NHS: variants seen among roughly 807,000 people sequenced by gnomAD.
NHS encodes the protein NHS actin remodeling regulator, also known as actin remodeling regulator NHS.
In NHS, 5 loss-of-function variants were observed where a neutral mutation model predicts 72.5. The observed-to-expected ratio is 0.07, with a 90% CI of 0.04 to 0.14. NHS has a LOEUF of 0.14. Among genes scored for constraint, NHS ranks in the 10% least tolerant of loss-of-function variants. The pLI, the probability that NHS is intolerant of heterozygous loss-of-function variation, is 1.00. For missense variants in NHS, 1,072 were observed against 1,355.7 expected (o/e 0.79, Z 3.29); for synonymous variants, 464 against 547.7 (o/e 0.85, Z 2.13).
intron 1 of NHS, among the ~76,000 whole-genome samples, chrX:17,601,914 C>A (rs957070836): frequency 1.8e-5 from 2 of 111,833 alleles, no homozygotes; most frequent in Non-Finnish European, 3.8e-5. Context: ...TCTAAAGTCA[C>A]AAAGCTTATT....
intron 1 of NHS, among the ~76,000 whole-genome samples, chrX:17,444,617 C>T (rs773740669): frequency 5.4e-5 from 6 of 111,444 alleles, no homozygotes; most frequent in Non-Finnish European, 7.5e-5. Context: ...CTGGCTGTGC[C>T]TCAAGTTTCC....
chrX:17,732,737 T>C lies in NHS; in HGVS notation c.*273T>C. ...TCTCCTTCCTTGTGAAAATAGAGGA[T>C]ACAAAATTGTCTAATTTTCATGACA... On this transcript the variant is annotated 3_prime_UTR_variant, in exon 9 of 9. Transcript: ENST00000676302. 1 of 340,283 alleles carries C rather than the reference T, an allele frequency of 2.9e-6. No individual in the cohort carries two copies. The highest frequency in any genetic ancestry group is 5.6e-5 in the East Asian group (1 of 17,700). The allele number at this position is 340,283 out of a possible 1,213,427, so 28.0% of individuals were successfully genotyped here.
intron 1 of NHS, among the ~76,000 whole-genome samples, chrX:17,437,109 C>T (rs184547448): frequency 2.7e-5 from 3 of 111,549 alleles, no homozygotes; most frequent in African/African-American, 6.5e-5. Context: ...GGAAAACATG[C>T]GGTGGGCCAT....
At chrX:17,680,081 A>C (rs1158461298) in intron 1 of NHS, among the ~76,000 whole-genome samples, 1 of 112,420 alleles carries the variant, frequency 8.9e-6, no homozygotes, top group African/African-American at 3.2e-5. Flanking sequence ...TGGCTGGTTC[A>C]TCTCAACAAC....
intron 1 of NHS, among the ~76,000 whole-genome samples, chrX:17,608,684 T>G (rs889028899): frequency 4.9e-4 from 54 of 110,093 alleles, no homozygotes; most frequent in African/African-American, 1.7e-3. Context: ...TTTTTTTTTT[T>G]TGGGGGGATA....
At chrX:17,505,624 A>C (rs1459645749) in intron 1 of NHS, among the ~76,000 whole-genome samples, 1 of 106,045 alleles carries the variant, frequency 9.4e-6, no homozygotes, top group African/African-American at 3.6e-5. Flanking sequence ...CACCGGGATC[A>C]GTGTTTTTTT....
At chrX:17,683,438 T>C (rs1267553749) in intron 1 of NHS, among the ~76,000 whole-genome samples, 2 of 111,954 alleles carry the variant, frequency 1.8e-5, no homozygotes, top group African/African-American at 6.5e-5. Flanking sequence ...GGGAAACTTA[T>C]TTCAATATTG....
At chrX:17,475,051 G>A (rs2064910291) in intron 1 of NHS, among the ~76,000 whole-genome samples, 1 of 111,726 alleles carries the variant, frequency 9.0e-6, no homozygotes, top group Non-Finnish European at 1.9e-5. Flanking sequence ...GAAGTAATAA[G>A]GGATTGGGGG....
chrX:17,414,743 TC>T (rs2064582325), intron 1 of NHS, among the ~76,000 whole-genome samples: 1 of 111,315 alleles, frequency 9.0e-6, no homozygotes, highest in Non-Finnish European at 1.9e-5. Flanking sequence ...ACAAGAATTT[TC>T]CTAGCCTATG....
Position 17,687,727 on chromosome X carries a change from TTTC to T in NHS, c.566-12_566-10del, listed in dbSNP as rs2066171433. On this transcript the variant is annotated splice_polypyrimidine_tract_variant and intron_variant, in intron 1 of 8. Coordinates refer to ENST00000676302, the MANE Select transcript of NHS (RefSeq NM_001291867.2). Reference sequence around the variant, plus strand: ...AAAGCCACTGATGGACAACGCCCTGTTTCTTGTCTTGCAGCCGTCTCCAACCTG... The same window carrying T: ...AAAGCCACTGATGGACAACGCCCTGTTTGTCTTGCAGCCGTCTCCAACCTG... 1.8e-6 allele frequency: 2 copies of T among 1,098,134 alleles called. No homozygotes were observed. Among genetic ancestry groups the T allele is most frequent in the Admixed American group, 2.8e-5 (1 of 35,213 alleles). 90.5% of individuals were successfully genotyped at this position (1,098,134 alleles called of 1,213,427 possible).
intron 1 of NHS, among the ~76,000 whole-genome samples, chrX:17,642,639 C>G (rs1430212261): frequency 8.9e-6 from 1 of 111,881 alleles, no homozygotes; most frequent in Non-Finnish European, 1.9e-5. Flanking sequence ...TAACCCCGCT[C>G]CATTTCCCAA....
At chrX:17,383,521 G>A (rs1318229200) in intron 1 of NHS, among the ~76,000 whole-genome samples, 2 of 112,104 alleles carry the variant, frequency 1.8e-5, no homozygotes, top group African/African-American at 6.5e-5. Context: ...AAGGCCTAAG[G>A]AAACTTACAA....
At chrX:17,602,354 G>A (rs1364406037) in intron 1 of NHS, among the ~76,000 whole-genome samples, 2 of 112,039 alleles carry the variant, frequency 1.8e-5, no homozygotes, top group African/African-American at 6.5e-5. Context: ...AAGAGATGAA[G>A]AATCACCCCT....
At chrX:17,568,065 A>G (rs1601776135) in intron 1 of NHS, among the ~76,000 whole-genome samples, 1 of 111,767 alleles carries the variant, frequency 8.9e-6, no homozygotes, top group African/African-American at 3.3e-5. Flanking sequence ...CAGGCAATTC[A>G]TCCTCAGAAC....
chrX:17,613,099 A>G (rs1378889910), intron 1 of NHS, among the ~76,000 whole-genome samples: 2 of 111,247 alleles, frequency 1.8e-5, no homozygotes, highest in African/African-American at 6.5e-5. Context: ...AAGGCTGGGC[A>G]CAGTGGCTGA....
intron 1 of NHS, among the ~76,000 whole-genome samples, chrX:17,596,891 A>G (rs1358137433): frequency 9.0e-6 from 1 of 110,989 alleles, no homozygotes; most frequent in Non-Finnish European, 1.9e-5. Context: ...CACCTCAGCT[A>G]CTGCATCCAG....
chrX:17,603,860 T>A (rs774844538), intron 1 of NHS, among the ~76,000 whole-genome samples: 1 of 110,848 alleles, frequency 9.0e-6, no homozygotes, highest in Non-Finnish European at 1.9e-5. Context: ...TTGGCCCAGG[T>A]GCTATTAGCT....
At chrX:17,463,618 A>T (rs1251057507) in intron 1 of NHS, among the ~76,000 whole-genome samples, 1 of 110,492 alleles carries the variant, frequency 9.1e-6, no homozygotes, top group Non-Finnish European at 1.9e-5. Context: ...TTGCCTCTTG[A>T]TTTTGTTGGG....
intron 1 of NHS, among the ~76,000 whole-genome samples, chrX:17,581,369 G>A (rs1489948585): frequency 9.0e-6 from 1 of 111,320 alleles, no homozygotes; most frequent in Non-Finnish European, 1.9e-5. Flanking sequence ...GATGGTAGAG[G>A]GTCCCCCAGA....
Sources: allele counts gnomAD v4.1 joint callset (sites outside exome capture counted in the v4.1 genomes callset), GRCh38; gene constraint gnomAD v4.1.1; transcripts MANE v1.5; gene names NCBI Gene and HGNC (gene_info 2026-07-23, HGNC 2026-07-21).